Variants in PTPRN2 observed in about 807,000 individuals in gnomAD.
The protein encoded by PTPRN2 is receptor-type tyrosine-protein phosphatase N2.
In PTPRN2, 74 loss-of-function variants were observed where a neutral mutation model predicts 118.8. The ratio of observed to expected loss-of-function variants is 0.62; its 90% CI spans 0.52 to 0.76. The LOEUF (loss-of-function observed/expected upper bound fraction) is 0.76. Among genes scored for constraint, PTPRN2 ranks in the 30% least tolerant of loss-of-function variants. The pLI is 0.00. For missense variants in PTPRN2, 1,481 were observed against 1,394.4 expected (o/e 1.06, Z -0.99); for synonymous variants, 641 against 608.0 (o/e 1.05, Z -0.80).
At chr7:158,349,741 T>C (rs1235253971) in intron 2 of PTPRN2, among the ~76,000 whole-genome samples, 1 of 101,082 alleles carries the variant, frequency 9.9e-6, no homozygotes, top group African/African-American at 4.1e-5. Flanking sequence ...CCCTGGGTGG[T>C]CCCTGAGGGC....
At chr7:157,895,867 G>A (rs1356908662) in intron 12 of PTPRN2, among the ~76,000 whole-genome samples, 2 of 152,144 alleles carry the variant, frequency 1.3e-5, no homozygotes, top group African/African-American at 4.8e-5. Flanking sequence ...ACCCAGTGGT[G>A]CGGGTCCTGG....
chr7:158,084,686 A>G (rs1166527442), intron 10 of PTPRN2, among the ~76,000 whole-genome samples: 2 of 148,274 alleles, frequency 1.3e-5, no homozygotes, highest in Non-Finnish European at 3.0e-5. Context: ...CACGACGCCC[A>G]TCCACACCCA....
intron 2 of PTPRN2, among the ~76,000 whole-genome samples, chr7:158,331,417 C>T (rs62480885): frequency 0.023 from 2,089 of 89,068 alleles, 38 homozygotes; most frequent in Middle Eastern, 0.051. Context: ...AGCTGAGGCC[C>T]ACAGAGGTCA....
At chr7:158,077,028 G>C (rs1312038628) in intron 11 of PTPRN2, among the ~76,000 whole-genome samples, 1 of 152,234 alleles carries the variant, frequency 6.6e-6, no homozygotes, top group Non-Finnish European at 1.5e-5. Context: ...ACTTCACTTT[G>C]CCATTACGCT....
rs574303841 is a variant in PTPRN2, at chr7:157,684,948, C to T, written c.1789-2011G>A. Among the ~76,000 whole-genome samples, 89 of 151,938 alleles carry T rather than the reference C, an allele frequency of 5.9e-4. 2 individuals carry two copies. The South Asian group carries it at 0.018, about 31-fold the overall frequency. ...GATGCGAGAGGCGTGTGGGTCCAAG[C>T]GGCGCCGGGACAGGGGCCGGGTCCT... On this transcript the variant is annotated intron_variant, in intron 12 of 22. Coordinates refer to ENST00000389418, the MANE Select transcript of PTPRN2 (RefSeq NM_002847.5).
At chr7:157,759,606 G>A (rs1243264036) in intron 12 of PTPRN2, among the ~76,000 whole-genome samples, 1 of 152,238 alleles carries the variant, frequency 6.6e-6, no homozygotes, top group Non-Finnish European at 1.5e-5. Flanking sequence ...ACTCAGACAT[G>A]TGGGGCTCAC....
intron 2 of PTPRN2, among the ~76,000 whole-genome samples, chr7:158,403,285 C>T (rs569927019): frequency 1.6e-4 from 24 of 152,324 alleles, no homozygotes; most frequent in Admixed American, 4.6e-4. Context: ...AAGACACAAA[C>T]GCACCCATGC....
At chr7:158,411,592 G>A (rs1403147444) in intron 2 of PTPRN2, among the ~76,000 whole-genome samples, 1 of 152,212 alleles carries the variant, frequency 6.6e-6, no homozygotes, top group Admixed American at 6.5e-5. Context: ...CAGCCAGTCA[G>A]AGGGCAGCAT....
In PTPRN2 at chr7:158,081,347, C is replaced by T; in HGVS notation, c.1674G>A (p.Val558=). 1 of 1,614,198 alleles carries T rather than the reference C, an allele frequency of 6.2e-7. No homozygotes were observed. Among genetic ancestry groups the T allele is most frequent in the Non-Finnish European group, 8.5e-7 (1 of 1,180,040 alleles). Residue 558 remains valine (V), a synonymous_variant, in exon 11 of 23, where the codon GTG becomes GTA. Coordinates refer to ENST00000389418, the MANE Select transcript of PTPRN2 (RefSeq NM_002847.5). The stretch of plus-strand genomic sequence containing the variant: ...TGGTCACGTTTTGGACATTGGCGCT[C>T]ACTTTGAAGGTCACTGCTGGTCCGA... ...EVLGPAVTFK[V]SANVQNVTTE...
intron 6 of PTPRN2, among the ~76,000 whole-genome samples, chr7:158,152,970 A>G (rs567034514): frequency 5.5e-4 from 68 of 124,064 alleles, no homozygotes; most frequent in African/African-American, 2.0e-3. Context: ...GCAGGCCACC[A>G]ACCAGTGGGA....
At chr7:157,775,588 G>C (rs112571821) in intron 12 of PTPRN2, among the ~76,000 whole-genome samples, 19 of 151,070 alleles carry the variant, frequency 1.3e-4, no homozygotes, top group African/African-American at 4.1e-4. Flanking sequence ...CTTCGTCCTC[G>C]GGAGCCGGCG....
chr7:157,627,944 A>C lies in PTPRN2; in HGVS notation c.2197-6435T>G, dbSNP rs777158696. On this transcript the variant is annotated intron_variant, in intron 14 of 22. Coordinates refer to ENST00000389418, the MANE Select transcript of PTPRN2 (RefSeq NM_002847.5). The surrounding 1 kb of genome is among the most constrained non-coding windows in gnomAD (Gnocchi z 4.2). ...CAGCGCTCACATAATCTACTTTGTT[A>C]GAGATATGAACTCAATCTAAGGTTT... is the stretch of plus-strand genomic sequence containing the variant. Among the ~76,000 whole-genome samples the C allele has an allele frequency of 6.6e-6, 1 of 152,224 alleles. No homozygotes were observed. Among genetic ancestry groups the C allele is most frequent in the Non-Finnish European group, 1.5e-5 (1 of 68,042 alleles).
At position 157,539,408 on chromosome 7, in the gene PTPRN2, T is replaced by G. The variant is rs1387566924; in HGVS notation, c.*1306A>C. 2 of 152,228 alleles carry G rather than the reference T, an allele frequency of 1.3e-5. No homozygotes were observed. The highest frequency in any genetic ancestry group is 2.9e-5 in the Non-Finnish European group (2 of 68,062). 9.4% of individuals were successfully genotyped at this position (152,228 alleles called of 1,614,324 possible). ...AAGGGCGGGATGGAGGTGCGTTTTC[T>G]ACGCTGAACCCCACACAGGAAATCT... On this transcript the variant is annotated 3_prime_UTR_variant, in exon 23 of 23. Coordinates refer to ENST00000389418, the MANE Select transcript of PTPRN2 (RefSeq NM_002847.5).
At chr7:157,704,652 C>G (rs1378637131) in intron 12 of PTPRN2, among the ~76,000 whole-genome samples, 1 of 152,182 alleles carries the variant, frequency 6.6e-6, no homozygotes. Context: ...CAGGTGTTCC[C>G]TTTCTTTCCT....
intron 2 of PTPRN2, among the ~76,000 whole-genome samples, chr7:158,435,606 A>G (rs1399068752): frequency 6.6e-6 from 1 of 152,236 alleles, no homozygotes; most frequent in East Asian, 1.9e-4. Flanking sequence ...AAGATCTCCA[A>G]AGAGATACTT....
chr7:158,083,174 G>A (rs1812972346), intron 10 of PTPRN2, among the ~76,000 whole-genome samples: 1 of 152,124 alleles, frequency 6.6e-6, no homozygotes, highest in Admixed American at 6.5e-5. Context: ...TTTTATAGAT[G>A]TTTTCCTTCT....
At chr7:158,152,836 CG>C (rs1563524687) in intron 6 of PTPRN2, among the ~76,000 whole-genome samples, 8 of 150,610 alleles carry the variant, frequency 5.3e-5, no homozygotes, top group African/African-American at 2.0e-4. Context: ...AAGAGCAGAC[CG>C]ACAGACACCA....
chr7:157,757,047 A>C (rs1332292987), intron 12 of PTPRN2, among the ~76,000 whole-genome samples: 2 of 152,234 alleles, frequency 1.3e-5, no homozygotes, highest in Non-Finnish European at 2.9e-5. Flanking sequence ...CTGCCAGAAA[A>C]GCAAACGGGC....
intron 13 of PTPRN2, chr7:157,669,501 C>A (rs1333402025): frequency 2.1e-6 from 1 of 476,830 alleles, no homozygotes; most frequent in Admixed American, 2.2e-5. Context: ...CTGCAGGCCC[C>A]TCCCCGCTCC....
Sources: gnomAD v4.1 joint callset for allele counts (sites outside exome capture counted in the v4.1 genomes callset) on GRCh38, gnomAD v4.1.1 for gene constraint, Gnocchi (gnomAD v3.1) non-coding constraint, MANE v1.5 for transcripts, NCBI Gene and HGNC (gene_info 2026-07-23, HGNC 2026-07-21) for gene names.